The following TMEM117 variants were observed in gnomAD, a reference collection of about 807,000 sequenced individuals.
TMEM117 encodes transmembrane protein 117.
A neutral mutation model predicts 52.4 loss-of-function variants in TMEM117; 27 were observed. The observed-to-expected ratio is 0.51, with a 90% CI of 0.38 to 0.71. The LOEUF (loss-of-function observed/expected upper bound fraction) is 0.71, where lower values mean the gene tolerates loss of function less well. TMEM117 is among the 30% of genes least tolerant of loss of function. The probability of loss-of-function intolerance (pLI) is 0.00; values close to 1 mark genes in which losing one functional copy is unlikely to be tolerated. For missense variants in TMEM117, 556 were observed against 630.5 expected, an observed-to-expected ratio of 0.88 and a Z score of 1.26; for synonymous variants, 215 against 206.3, an observed-to-expected ratio of 1.04 and a Z score of -0.36.
chr12:43,808,037 G>C, the TMEM117 span, among the ~76,000 whole-genome samples: 1 of 152,190 alleles, frequency 6.6e-6, no homozygotes, highest in Non-Finnish European at 1.5e-5. Flanking sequence ...ACTTTAAGAG[G>C]TTTGGAAATT....
At chr12:44,151,876 A>G (rs548747590) in intron 4 of TMEM117, among the ~76,000 whole-genome samples, 1 of 134,632 alleles carries the variant, frequency 7.4e-6, no homozygotes, top group South Asian at 2.2e-4. Flanking sequence ...AATATATTAT[A>G]TATTATAATA....
At position 43,909,194 on chromosome 12, in the gene TMEM117, C is replaced by T. The variant is rs1468278235; in HGVS notation, c.278-35016C>T. Among the ~76,000 whole-genome samples, 9 of 61,184 alleles carry T rather than the reference C, an allele frequency of 1.5e-4. 4 individuals are homozygous for T. In the East Asian group the frequency reaches 6.4e-3, roughly 44 times the overall value. 40.1% of individuals were successfully genotyped at this position (61,184 alleles called of 152,430 possible). A position where few individuals can be genotyped will look rare whatever the true frequency, so the allele number is the denominator to read the frequency against. ...AACTAGAACTCAGGATTAAGAATCT[C>T]ACTCAAAGCCGCTCAACTACATGGA... On this transcript the variant is annotated intron_variant, in intron 2 of 7. Coordinates refer to ENST00000266534, the MANE Select transcript of TMEM117 (RefSeq NM_032256.3).
At chr12:44,367,621 T>C (rs1185680894) in intron 6 of TMEM117, among the ~76,000 whole-genome samples, 1 of 152,096 alleles carries the variant, frequency 6.6e-6, no homozygotes, top group Admixed American at 6.6e-5. Flanking sequence ...CTTAGATCAA[T>C]AGACTGGTGA....
chr12:43,882,144 A>C (rs773985563), intron 2 of TMEM117, among the ~76,000 whole-genome samples: 5 of 152,124 alleles, frequency 3.3e-5, no homozygotes, highest in Non-Finnish European at 5.9e-5. Flanking sequence ...AAAAATTTAA[A>C]ATTATGTGTG....
chr12:43,983,819 T>C (rs1038511516), intron 3 of TMEM117, among the ~76,000 whole-genome samples: 1 of 151,882 alleles, frequency 6.6e-6, no homozygotes, highest in African/African-American at 2.4e-5. Context: ...GTTAGCACTT[T>C]ACACTCCAGT....
chr12:43,807,855 T>A, the TMEM117 span, among the ~76,000 whole-genome samples: 1 of 152,184 alleles, frequency 6.6e-6, no homozygotes, highest in Non-Finnish European at 1.5e-5. Flanking sequence ...ATTTTCCCAC[T>A]TTTCTTCATC....
chr12:43,936,758 T>C (rs1347777979), intron 2 of TMEM117, among the ~76,000 whole-genome samples: 1 of 152,148 alleles, frequency 6.6e-6, no homozygotes, highest in East Asian at 1.9e-4. Flanking sequence ...GACCAATATA[T>C]TTATTCCGGA....
At chr12:44,290,268 T>A (rs1472360154) in intron 5 of TMEM117, among the ~76,000 whole-genome samples, 2 of 152,168 alleles carry the variant, frequency 1.3e-5, no homozygotes, top group Non-Finnish European at 2.9e-5. Flanking sequence ...TGCCTCTGCT[T>A]TTTGTGTCAT....
intron 3 of TMEM117, among the ~76,000 whole-genome samples, chr12:44,064,046 C>T (rs918952426): frequency 1.3e-5 from 2 of 151,904 alleles, no homozygotes; most frequent in Non-Finnish European, 2.9e-5. Context: ...TGGGGGGTCT[C>T]CTTGAAGGGA....
chr12:44,384,179 A>T lies in TMEM117; in HGVS notation c.899-3847A>T, dbSNP rs551107627. Among the ~76,000 whole-genome samples, 3 of 152,310 alleles carry T rather than the reference A, an allele frequency of 2.0e-5. No individual in the cohort carries two copies. The South Asian group carries it at 6.2e-4, about 32-fold the overall frequency. On this transcript the variant is annotated intron_variant, in intron 7 of 7. Coordinates refer to ENST00000266534, the MANE Select transcript of TMEM117 (RefSeq NM_032256.3). The stretch of plus-strand genomic sequence containing the variant: ...GTGTGTGGGAAAAATGGAAAGATGG[A>T]TGACAGAGAAAGATGAACATCCTTC...
intron 5 of TMEM117, among the ~76,000 whole-genome samples, chr12:44,215,876 C>G (rs73272268): frequency 2.6e-5 from 4 of 151,986 alleles, no homozygotes; most frequent in African/African-American, 7.3e-5. Context: ...CTTTCTCCCC[C>G]CTCTGATTAC....
chr12:43,888,828 G>A (rs977756866), intron 2 of TMEM117, among the ~76,000 whole-genome samples: 8 of 152,066 alleles, frequency 5.3e-5, no homozygotes, highest in Non-Finnish European at 8.8e-5. Context: ...GATTACAGGT[G>A]TGAGCCACCA....
At chr12:44,249,225 A>T (rs1950168517) in intron 5 of TMEM117, among the ~76,000 whole-genome samples, 1 of 152,084 alleles carries the variant, frequency 6.6e-6, no homozygotes, top group African/African-American at 2.4e-5. Flanking sequence ...TTTGTATTCA[A>T]ATGTATGTGG....
chr12:44,231,287 G>A (rs958746276), intron 5 of TMEM117, among the ~76,000 whole-genome samples: 20 of 151,566 alleles, frequency 1.3e-4, no homozygotes, highest in African/African-American at 4.3e-4. Flanking sequence ...TGTTTGTAAT[G>A]TTTATACATG....
intron 3 of TMEM117, among the ~76,000 whole-genome samples, chr12:44,097,435 A>T (rs192054420): frequency 1.1e-4 from 16 of 152,088 alleles, no homozygotes; most frequent in Admixed American, 1.0e-3. Context: ...TTGCGGCACT[A>T]TTCACAATAG....
At chr12:44,157,452 C>T (rs1565853095) in intron 4 of TMEM117, among the ~76,000 whole-genome samples, 1 of 152,094 alleles carries the variant, frequency 6.6e-6, no homozygotes, top group Non-Finnish European at 1.5e-5. Flanking sequence ...TTTGGATTTT[C>T]TGAATGAAGA....
chr12:44,009,197 CT>C, intron 3 of TMEM117: 1 of 269,940 alleles, frequency 3.7e-6, no homozygotes, highest in Non-Finnish European at 7.3e-6. Context: ...ATGATTTTCC[CT>C]GCCTGTTGTT....
intron 3 of TMEM117, among the ~76,000 whole-genome samples, chr12:44,129,310 G>A (rs755546056): frequency 3.9e-5 from 6 of 152,126 alleles, no homozygotes; most frequent in East Asian, 1.9e-4. Flanking sequence ...GTTTGGAGAC[G>A]TCTCATCATT....
At chr12:44,075,009 A>G (rs1947359533) in intron 3 of TMEM117, among the ~76,000 whole-genome samples, 1 of 152,166 alleles carries the variant, frequency 6.6e-6, no homozygotes. Flanking sequence ...AGGCTTATTC[A>G]GTTTTCTCAG....
Sources: allele counts gnomAD v4.1 joint callset (sites outside exome capture counted in the v4.1 genomes callset), GRCh38; gene constraint gnomAD v4.1.1; transcripts MANE v1.5; gene names NCBI Gene and HGNC (gene_info 2026-07-23, HGNC 2026-07-21).